The following CAMKK2 variants were observed in gnomAD, a reference collection of about 807,000 sequenced individuals.
CAMKK2 encodes the protein calcium/calmodulin-dependent protein kinase kinase 2.
Under a neutral mutation model 67.2 loss-of-function variants are expected in CAMKK2, and 30 were observed. The observed-to-expected ratio is 0.45, with a 90% CI of 0.33 to 0.61. The LOEUF (loss-of-function observed/expected upper bound fraction) is 0.61, where lower values mean the gene tolerates loss of function less well. Ranked by LOEUF, CAMKK2 falls within the 20% of genes least tolerant of loss-of-function variation. CAMKK2 has a pLI of 0.02. For synonymous variants in CAMKK2, 322 were observed against 326.2 expected (o/e 0.99, Z 0.14); for missense variants, 643 against 802.0 (o/e 0.80, Z 2.39).
chr12:121,272,148 T>C (rs562073548), intron 2 of CAMKK2, among the ~76,000 whole-genome samples: 2 of 152,338 alleles, frequency 1.3e-5, no homozygotes, highest in Non-Finnish European at 2.9e-5. Flanking sequence ...GCCTTGACAG[T>C]TTCTTAACAA....
Position 121,240,821 on chromosome 12 carries a change from C to T in CAMKK2, c.1645G>A (p.Gly549Arg), listed in dbSNP as rs1051450715. 2 of 1,611,934 alleles carry T rather than the reference C, an allele frequency of 1.2e-6. No individual in the cohort carries two copies. Among genetic ancestry groups the T allele is most frequent in the South Asian group, 2.2e-5 (2 of 90,986 alleles). Reference sequence around the variant, plus strand: ...CTCACAAGAGCACTTCCTCCTCCCCCACGGGGGGCGGGTCGGTGCCCTGGA... The same window carrying T: ...CTCACAAGAGCACTTCCTCCTCCCCTACGGGGGGCGGGTCGGTGCCCTGGA... Reference protein sequence around the residue: ...QPPGHRPAPRGGGGSALVRGS... With the variant: ...QPPGHRPAPRRGGGSALVRGS... Residue 549 changes from glycine (G) to arginine (R), a missense_variant, in exon 17 of 17, where the codon GGG becomes AGG. This residue lies in a region of CAMKK2 where 140 missense variants were observed against 124.2 expected (regional missense o/e 1.13). Transcript: ENST00000404169. This position sits in a 1 kb window ranked among gnomAD's most constrained non-coding sequence, Gnocchi z 4.4.
At chr12:121,255,344 A>ATGTATATAATTT (rs1891970400) in intron 9 of CAMKK2, among the ~76,000 whole-genome samples, 3 of 9,792 alleles carry the variant, frequency 3.1e-4, no homozygotes, top group Non-Finnish European at 5.9e-4. Flanking sequence ...ATATAATTTT[A>ATGTATATAATTT]TATATATAAT....
At position 121,273,995 on chromosome 12, in the gene CAMKK2, G is replaced by A. The variant is rs112959830; in HGVS notation, c.471+61C>T. On this transcript the variant is annotated intron_variant, in intron 2 of 16. Transcript: ENST00000404169. Reference sequence around the variant, plus strand: ...GAGCCCAACCTTCCACAGAGGCCCTGCTGGGGGCAGGGAAGGGCACCAGGG... The same window carrying A: ...GAGCCCAACCTTCCACAGAGGCCCTACTGGGGGCAGGGAAGGGCACCAGGG... The A allele has an allele frequency of 6.1e-4, 772 of 1,262,278 alleles. 7 individuals carry two copies. The African/African-American group carries it at 8.1e-3, about 13-fold the overall frequency. The allele number at this position is 1,262,278 out of a possible 1,614,324, so 78.2% of individuals were successfully genotyped here.
chr12:121,257,531 A>C (rs1471115581), intron 7 of CAMKK2, among the ~76,000 whole-genome samples: 2 of 152,096 alleles, frequency 1.3e-5, no homozygotes, highest in Non-Finnish European at 2.9e-5. Context: ...TACAGGCAAA[A>C]AAATTTTTTA....
At chr12:121,288,244 G>A (rs1490073670) in intron 1 of CAMKK2, among the ~76,000 whole-genome samples, 4 of 152,202 alleles carry the variant, frequency 2.6e-5, no homozygotes, top group African/African-American at 7.2e-5. Context: ...CTTCTACCCA[G>A]CATGCTCTTG....
At chr12:121,269,960 G>A (rs1297604685) in intron 3 of CAMKK2, 1 of 172,094 alleles carries the variant, frequency 5.8e-6, no homozygotes, top group Non-Finnish European at 1.3e-5. Flanking sequence ...TGAGGCTTGA[G>A]AATCACTTAA....
chr12:121,266,499 G>GTTTT (rs144456553), intron 5 of CAMKK2, among the ~76,000 whole-genome samples: 1 of 142,788 alleles, frequency 7.0e-6, no homozygotes, highest in Admixed American at 7.0e-5. Context: ...GTTAGGATGG[G>GTTTT]TTTTTTTTTT....
In CAMKK2 at chr12:121,255,651, C is replaced by T. The variant is rs1276464302; in HGVS notation, c.819-13G>A. The T allele has an allele frequency of 9.9e-6, 16 of 1,612,010 alleles. No homozygotes were observed. The highest frequency in any genetic ancestry group is 1.4e-5 in the Non-Finnish European group (16 of 1,178,978). On this transcript the variant is annotated splice_polypyrimidine_tract_variant and intron_variant, in intron 8 of 16. Coordinates refer to ENST00000404169, the MANE Select transcript of CAMKK2 (RefSeq NM_001270485.2). ...TTCCATCACGGGCCTGAAAGGTCGA[C>T]ACTCATGTGAAACACAAAGCAGACC...
rs548092591 is a variant in CAMKK2, at chr12:121,294,843, A to G, written c.-60+1795T>C. 1.5e-4 allele frequency among the ~76,000 whole-genome samples: 23 copies of G among 152,308 alleles called. 1 individual carries two copies. The South Asian group carries it at 4.1e-3, about 27-fold the overall frequency. ...GCACAGAATCTGGCAGGCAGCAAGA[A>G]CTCAATAGATGTTAGTTTTTAATAC... is the stretch of plus-strand genomic sequence containing the variant. On this transcript the variant is annotated intron_variant, in intron 1 of 16. Coordinates refer to ENST00000404169, the MANE Select transcript of CAMKK2 (RefSeq NM_001270485.2).
intron 5 of CAMKK2, among the ~76,000 whole-genome samples, chr12:121,267,896 T>C (rs988228693): frequency 1.3e-5 from 2 of 151,786 alleles, no homozygotes; most frequent in Non-Finnish European, 1.5e-5. Flanking sequence ...CCCCCAGCAA[T>C]CACAAATCTA....
intron 7 of CAMKK2, among the ~76,000 whole-genome samples, chr12:121,259,514 A>G (rs989453600): frequency 6.6e-6 from 1 of 152,198 alleles, no homozygotes; most frequent in Non-Finnish European, 1.5e-5. Flanking sequence ...TAAGAATGCC[A>G]TTCTGGGCTA....
At chr12:121,267,888 C>T (rs1226246148) in intron 5 of CAMKK2, among the ~76,000 whole-genome samples, 2 of 151,818 alleles carry the variant, frequency 1.3e-5, no homozygotes, top group African/African-American at 4.8e-5. Context: ...CCCCAGAGCC[C>T]CCAGCAATCA....
Position 121,253,147 on chromosome 12 carries a change from T to TG in CAMKK2, c.1107+125_1107+126insC. The TG allele has an allele frequency of 3.8e-6, 3 of 783,986 alleles. No homozygotes were observed. Among genetic ancestry groups the TG allele is most frequent in the Non-Finnish European group, 6.4e-6 (3 of 470,330 alleles). The allele number at this position is 783,986 out of a possible 1,614,324, so 48.6% of individuals were successfully genotyped here. ...CCTGGATCTAGCCAAGCCTGAAGCC[T>TG]ACCCCTCAGTATCTTGATCCAGGGG... is the stretch of plus-strand genomic sequence containing the variant. On this transcript the variant is annotated intron_variant, in intron 10 of 16. Coordinates refer to ENST00000404169, the MANE Select transcript of CAMKK2 (RefSeq NM_001270485.2). This position sits in a 1 kb window ranked among gnomAD's most constrained non-coding sequence, Gnocchi z 5.0.
At chr12:121,259,914 C>A (rs1311637922) in intron 7 of CAMKK2, among the ~76,000 whole-genome samples, 1 of 151,998 alleles carries the variant, frequency 6.6e-6, no homozygotes, top group Non-Finnish European at 1.5e-5. Flanking sequence ...GACACTTTGT[C>A]TCTAGAAAAA....
intron 1 of CAMKK2, among the ~76,000 whole-genome samples, chr12:121,275,499 A>AAAG (rs1358863604): frequency 1.1e-4 from 17 of 151,832 alleles, no homozygotes; most frequent in African/African-American, 3.9e-4. Flanking sequence ...CAAAAAAAAA[A>AAAG]AAAAAAAAAA....
intron 15 of CAMKK2, among the ~76,000 whole-genome samples, 182 bp from the exon 16 acceptor site, chr12:121,244,797 G>A (rs1161006427): frequency 6.6e-6 from 1 of 152,196 alleles, no homozygotes. Context: ...GGTCCTGAGT[G>A]AGACCACACT....
At chr12:121,279,886 C>A (rs1897445992) in intron 1 of CAMKK2, among the ~76,000 whole-genome samples, 1 of 152,250 alleles carries the variant, frequency 6.6e-6, no homozygotes, top group East Asian at 1.9e-4. Context: ...CAGGAAACAC[C>A]TTCTCATTTC....
In CAMKK2 at chr12:121,253,583, T is replaced by C. The variant is rs1593312746; in HGVS notation, c.908-111A>G. 1 of 892,558 alleles carries C rather than the reference T, an allele frequency of 1.1e-6. No individual in the cohort carries two copies. The highest frequency in any genetic ancestry group is 1.8e-6 in the Non-Finnish European group (1 of 547,134). The allele number at this position is 892,558 out of a possible 1,614,324, so 55.3% of individuals were successfully genotyped here. On this transcript the variant is annotated intron_variant, in intron 9 of 16. Transcript: ENST00000404169. This position sits in a 1 kb window ranked among gnomAD's most constrained non-coding sequence, Gnocchi z 5.0. ...GGCATGGCACCCCTCTGATGCCTTGTCTCCCACAGCCCCAGGCCTTTTCCA... is the reference window on the plus strand; with the variant it reads ...GGCATGGCACCCCTCTGATGCCTTGCCTCCCACAGCCCCAGGCCTTTTCCA...
At chr12:121,260,781 C>T (rs1307475924) in intron 6 of CAMKK2, among the ~76,000 whole-genome samples, 1 of 151,918 alleles carries the variant, frequency 6.6e-6, no homozygotes, top group Non-Finnish European at 1.5e-5. Context: ...GGAGAAACCC[C>T]ATCTCTACTA....
Sources: gnomAD v4.1 joint callset for allele counts (sites outside exome capture counted in the v4.1 genomes callset) on GRCh38, gnomAD v4.1.1 for gene constraint, gnomAD v4.1.1 regional missense constraint, Gnocchi (gnomAD v3.1) non-coding constraint, MANE v1.5 for transcripts, NCBI Gene and HGNC (gene_info 2026-07-23, HGNC 2026-07-21) for gene names.